GPR89A: variants seen among roughly 807,000 people sequenced by gnomAD.
GPR89A encodes golgi pH regulator A, also known as G protein-coupled receptor 89A.
In GPR89A, 16 loss-of-function variants were observed where a neutral mutation model predicts 52.0. That is an observed-to-expected ratio of 0.31 (90% CI 0.21 to 0.47). The LOEUF is 0.47. Ranked by LOEUF, GPR89A falls within the 20% of genes least tolerant of loss-of-function variation. GPR89A has a pLI of 1.00. For missense variants in GPR89A, 135 were observed against 449.4 expected, an observed-to-expected ratio of 0.30 and a Z score of 6.33; for synonymous variants, 55 against 150.9, an observed-to-expected ratio of 0.36 and a Z score of 4.66.
intron 11 of GPR89A, among the ~76,000 whole-genome samples, chr1:145,664,826 A>AT (rs1330400597): frequency 4.6e-5 from 7 of 151,178 alleles, no homozygotes; most frequent in African/African-American, 1.7e-4. Context: ...GTAATTCTGA[A>AT]TAACAAATCG....
At chr1:145,642,627 G>T (rs1316903240) in intron 7 of GPR89A, among the ~76,000 whole-genome samples, 1 of 152,136 alleles carries the variant, frequency 6.6e-6, no homozygotes, top group African/African-American at 2.4e-5. Flanking sequence ...GGTACCATTG[G>T]TACTATTTGT....
At chr1:145,649,504 T>C (rs1453195857) in intron 10 of GPR89A, among the ~76,000 whole-genome samples, 6 of 149,910 alleles carry the variant, frequency 4.0e-5, no homozygotes, top group South Asian at 2.1e-4. Context: ...TGCTGAGTAG[T>C]GTTTCCGTGG....
At chr1:145,667,935 C>G (rs1289347343) in intron 12 of GPR89A, among the ~76,000 whole-genome samples, 3 of 152,110 alleles carry the variant, frequency 2.0e-5, no homozygotes, top group Admixed American at 2.0e-4. Context: ...GTCTATATCT[C>G]TGTTTTGGTA....
At chr1:145,619,888 G>A (rs1292129220) in intron 3 of GPR89A, among the ~76,000 whole-genome samples, 17 of 151,998 alleles carry the variant, frequency 1.1e-4, no homozygotes, top group Admixed American at 2.0e-4. Flanking sequence ...GGTGGTGGGC[G>A]CCTGTAGTCC....
intron 9 of GPR89A, chr1:145,646,641 G>C: frequency 3.9e-6 from 1 of 259,550 alleles, no homozygotes; most frequent in Non-Finnish European, 7.3e-6. Context: ...GGATGGCCTA[G>C]CCCTATTTTA....
intron 11 of GPR89A, among the ~76,000 whole-genome samples, chr1:145,664,262 T>G (rs587630815): frequency 1.1e-4 from 16 of 152,296 alleles, no homozygotes; most frequent in African/African-American, 3.8e-4. Flanking sequence ...AACAGCTCAA[T>G]GTACATGTTT....
chr1:145,617,425 C>T (rs1454984092), intron 2 of GPR89A, among the ~76,000 whole-genome samples: 1 of 151,654 alleles, frequency 6.6e-6, no homozygotes, highest in Admixed American at 6.6e-5. Flanking sequence ...GTACAGTTAA[C>T]GCAATCATCA....
chr1:145,649,103 C>A, intron 10 of GPR89A, among the ~76,000 whole-genome samples: 1 of 152,256 alleles, frequency 6.6e-6, no homozygotes, highest in South Asian at 2.1e-4. Context: ...TGCACCCAGC[C>A]AGCATGTCAT....
intron 10 of GPR89A, among the ~76,000 whole-genome samples, chr1:145,659,225 C>T (rs1161604447): frequency 6.6e-6 from 1 of 151,964 alleles, no homozygotes; most frequent in Non-Finnish European, 1.5e-5. Context: ...AGCTCTGTCG[C>T]CCAGGCTGGA....
intron 11 of GPR89A, among the ~76,000 whole-genome samples, chr1:145,663,919 A>G (rs1652380954): frequency 2.0e-5 from 3 of 151,000 alleles, no homozygotes; most frequent in Admixed American, 2.0e-4. Flanking sequence ...CTTGGGCTAA[A>G]GATGGTAACT....
At position 145,650,453 on chromosome 1, in the gene GPR89A, T is replaced by G. The variant is rs587678067; in HGVS notation, c.909+3186T>G. On this transcript the variant is annotated intron_variant, in intron 10 of 13. Transcript: ENST00000313835. ...TAGTGCTGCAGTGGACGTACATGTG[T>G]ATGTATCTTTATAATGGAATGATTT... Among the ~76,000 whole-genome samples, 17 of 152,208 alleles carry G rather than the reference T, an allele frequency of 1.1e-4. No individual in the cohort carries two copies. The South Asian group carries it at 3.5e-3, about 32-fold the overall frequency.
intron 1 of GPR89A, chr1:145,611,471 G>C (rs587742784): frequency 7.2e-5 from 11 of 151,868 alleles, no homozygotes; most frequent in Non-Finnish European, 1.6e-4. Context: ...GCATTAATTT[G>C]CTTAGGATGA....
chr1:145,639,770 A>G (rs1173211317), intron 7 of GPR89A, among the ~76,000 whole-genome samples: 1 of 150,790 alleles, frequency 6.6e-6, no homozygotes, highest in Non-Finnish European at 1.5e-5. Flanking sequence ...AGAAAAGAAA[A>G]GAAATACTGA....
intron 7 of GPR89A, among the ~76,000 whole-genome samples, chr1:145,641,979 A>G (rs1650686251): frequency 6.6e-6 from 1 of 151,816 alleles, no homozygotes; most frequent in Admixed American, 6.6e-5. Flanking sequence ...TTTAGAATTA[A>G]TAGATTCTTG....
chr1:145,656,182 C>T (rs1208525541), intron 10 of GPR89A, among the ~76,000 whole-genome samples: 4 of 152,134 alleles, frequency 2.6e-5, no homozygotes, highest in Admixed American at 6.5e-5. Flanking sequence ...GTGGCTGTCC[C>T]GGGAACTTGG....
intron 12 of GPR89A, among the ~76,000 whole-genome samples, chr1:145,666,574 T>C (rs1652563112): frequency 6.6e-6 from 1 of 152,110 alleles, no homozygotes; most frequent in Non-Finnish European, 1.5e-5. Flanking sequence ...TAAATTATAC[T>C]TTAAGTTCTA....
intron 1 of GPR89A, chr1:145,608,436 C>T (rs1553685449): frequency 1.1e-5 from 7 of 639,190 alleles, no homozygotes; most frequent in Admixed American, 1.1e-4. Context: ...GGAAGCGGTC[C>T]GCCGACCTCC....
chr1:145,663,750 A>C (rs1321857491), intron 11 of GPR89A, among the ~76,000 whole-genome samples: 2 of 152,112 alleles, frequency 1.3e-5, no homozygotes, highest in Admixed American at 6.6e-5. Context: ...TCTCCCCACC[A>C]AAGTATTCAA....
chr1:145,655,847 C>T (rs1651775011), intron 10 of GPR89A, among the ~76,000 whole-genome samples: 1 of 152,056 alleles, frequency 6.6e-6, no homozygotes, highest in Non-Finnish European at 1.5e-5. Context: ...AATCCCCCTC[C>T]TCTGGACTGC....
Sources: allele counts gnomAD v4.1 joint callset (sites outside exome capture counted in the v4.1 genomes callset), GRCh38; gene constraint gnomAD v4.1.1; transcripts MANE v1.5; gene names NCBI Gene and HGNC (gene_info 2026-07-23, HGNC 2026-07-21).